The following SRFBP1 variants were observed in gnomAD, a reference collection of about 807,000 sequenced individuals.
The protein encoded by SRFBP1 is serum response factor-binding protein 1.
In SRFBP1, 47 loss-of-function variants were observed where a neutral mutation model predicts 45.5. The ratio of observed to expected loss-of-function variants is 1.03; its 90% CI spans 0.82 to 1.32. The LOEUF (loss-of-function observed/expected upper bound fraction) is 1.32, where lower values mean the gene tolerates loss of function less well. Ranked by LOEUF, SRFBP1 falls within the 40% of genes most tolerant of loss-of-function variation. The pLI, the probability that SRFBP1 is intolerant of heterozygous loss-of-function variation, is 0.00. For synonymous variants in SRFBP1, 203 were observed against 166.3 expected, an observed-to-expected ratio of 1.22 and a Z score of -1.70; for missense variants, 621 against 484.6, an observed-to-expected ratio of 1.28 and a Z score of -2.64.
intron 2 of SRFBP1, among the ~76,000 whole-genome samples, chr5:122,050,810 T>C (rs1360179122): frequency 2.0e-5 from 3 of 152,022 alleles, no homozygotes; most frequent in Non-Finnish European, 4.4e-5. Flanking sequence ...ATTGGCATGC[T>C]CTTGTTTCTC....
intron 4 of SRFBP1, among the ~76,000 whole-genome samples, chr5:121,999,985 T>C (rs1243123571): frequency 1.3e-5 from 2 of 152,150 alleles, no homozygotes; most frequent in Admixed American, 6.5e-5. Context: ...AGCAGTTGTT[T>C]TCTATTTGCT....
chr5:122,026,272 T>C (rs1048372281), intron 7 of SRFBP1, among the ~76,000 whole-genome samples: 6 of 152,342 alleles, frequency 3.9e-5, no homozygotes, highest in African/African-American at 1.2e-4. Flanking sequence ...CTAGTGTATC[T>C]TCGCCAAATA....
chr5:122,050,502 C>G (rs532158040), intron 2 of SRFBP1, among the ~76,000 whole-genome samples: 6 of 152,222 alleles, frequency 3.9e-5, no homozygotes, highest in Middle Eastern at 3.4e-3. Flanking sequence ...TTATCCATTT[C>G]TTCTATATTT....
At chr5:121,995,136 A>G (rs1332597515) in intron 4 of SRFBP1, among the ~76,000 whole-genome samples, 1 of 151,668 alleles carries the variant, frequency 6.6e-6, no homozygotes, top group Non-Finnish European at 1.5e-5. Flanking sequence ...ATACCCAGGA[A>G]TTGAACTCAG....
intron 3 of SRFBP1, 81 bp from the exon 4 acceptor site, chr5:121,994,518 T>A (rs901396369): frequency 6.8e-5 from 58 of 852,664 alleles, no homozygotes; most frequent in Non-Finnish European, 1.0e-4. Context: ...ATATTAAGTT[T>A]CTTAAGATAC....
intron 4 of SRFBP1, among the ~76,000 whole-genome samples, chr5:121,999,686 T>C (rs1752814013): frequency 6.6e-6 from 1 of 152,140 alleles, no homozygotes; most frequent in Non-Finnish European, 1.5e-5. Context: ...AATTATGTAA[T>C]GGCCCTCCTT....
intron 3 of SRFBP1, among the ~76,000 whole-genome samples, chr5:121,986,588 A>T (rs1361557184): frequency 1.3e-5 from 2 of 152,034 alleles, no homozygotes; most frequent in Non-Finnish European, 2.9e-5. Context: ...CATTGCTGTC[A>T]GTATTCTTTT....
At chr5:121,974,613 A>G (rs922357366) in intron 2 of SRFBP1, among the ~76,000 whole-genome samples, 3 of 151,946 alleles carry the variant, frequency 2.0e-5, no homozygotes, top group Non-Finnish European at 4.4e-5. Context: ...ATACAGCTTA[A>G]CAAATCTAGT....
At chr5:121,977,157 A>G (rs949881318) in intron 3 of SRFBP1, among the ~76,000 whole-genome samples, 4 of 152,064 alleles carry the variant, frequency 2.6e-5, no homozygotes, top group African/African-American at 4.8e-5. Flanking sequence ...CCACATCACT[A>G]TCGTGGTTTG....
intron 3 of SRFBP1, among the ~76,000 whole-genome samples, chr5:121,982,678 A>G (rs1158032413): frequency 2.0e-5 from 3 of 151,876 alleles, no homozygotes; most frequent in African/African-American, 4.8e-5. Flanking sequence ...TTACTGAGTC[A>G]TAGTATACAC....
intron 4 of SRFBP1, among the ~76,000 whole-genome samples, chr5:122,012,281 AAATT>A (rs1269325691): frequency 2.0e-5 from 3 of 152,236 alleles, no homozygotes; most frequent in Non-Finnish European, 4.4e-5. Context: ...TTTAAAATGA[AAATT>A]AGGAATAAAA....
chr5:122,033,421 C>A (rs139691260), downstream of SRFBP1, among the ~76,000 whole-genome samples: 5 of 152,038 alleles, frequency 3.3e-5, no homozygotes, highest in East Asian at 9.7e-4. Flanking sequence ...AAAAATCTTT[C>A]CTTACAACGG....
intron 1 of SRFBP1, among the ~76,000 whole-genome samples, chr5:121,962,500 T>G (rs1482717816): frequency 2.6e-5 from 4 of 152,234 alleles, no homozygotes. Context: ...CTGTAGCTTC[T>G]AAGAAATTGG....
intron 2 of SRFBP1, among the ~76,000 whole-genome samples, chr5:122,067,985 C>T (rs1270739038): frequency 9.9e-5 from 15 of 151,944 alleles, no homozygotes; most frequent in Admixed American, 9.8e-4. Flanking sequence ...GTATTACTAT[C>T]CTGAAGGTGT....
chr5:122,058,529 A>AGTGT (rs147926229), intron 2 of SRFBP1, among the ~76,000 whole-genome samples: 6,729 of 142,246 alleles, frequency 0.047, 183 homozygotes, highest in Admixed American at 0.071. Context: ...ACAATGAGAT[A>AGTGT]GTGTGTGTGT....
chr5:121,993,148 C>A (rs1029100033), intron 3 of SRFBP1, among the ~76,000 whole-genome samples: 34 of 152,108 alleles, frequency 2.2e-4, no homozygotes, highest in African/African-American at 8.2e-4. Context: ...TTCTATATAT[C>A]TTTTAAATAT....
At chr5:122,019,368 T>G (rs1456764744) in intron 5 of SRFBP1, 27 bp downstream of exon 5, 1 of 1,551,318 alleles carries the variant, frequency 6.4e-7, no homozygotes, top group African/African-American at 1.4e-5. Context: ...TTTTAAGCCA[T>G]GTACTTAATG....
intron 2 of SRFBP1, among the ~76,000 whole-genome samples, chr5:122,069,487 A>G (rs951766646): frequency 1.3e-5 from 2 of 152,160 alleles, no homozygotes; most frequent in African/African-American, 4.8e-5. Context: ...ATTTCATTCT[A>G]AGAAGAGTCT....
intron 3 of SRFBP1, among the ~76,000 whole-genome samples, chr5:121,978,653 G>A (rs1411437118): frequency 1.3e-5 from 2 of 152,060 alleles, no homozygotes; most frequent in African/African-American, 2.4e-5. Context: ...CATCATGCCT[G>A]GCTAACTTTT....
Sources: allele counts gnomAD v4.1 joint callset (sites outside exome capture counted in the v4.1 genomes callset), GRCh38; gene constraint gnomAD v4.1.1; transcripts MANE v1.5; gene names NCBI Gene and HGNC (gene_info 2026-07-23, HGNC 2026-07-21).